Variants in HAUS8 observed in about 807,000 individuals in gnomAD.
HAUS8 encodes the protein HAUS augmin like complex subunit 8.
Under a neutral mutation model 42.9 loss-of-function variants are expected in HAUS8, and 38 were observed. That is an observed-to-expected ratio of 0.89 (90% CI 0.68 to 1.16). The LOEUF is 1.16. Ranked by LOEUF, HAUS8 falls within the 50% of genes most tolerant of loss-of-function variation. The pLI, the probability that HAUS8 is intolerant of heterozygous loss-of-function variation, is 0.00. For missense variants in HAUS8, 494 were observed against 511.6 expected, an observed-to-expected ratio of 0.97 and a Z score of 0.33; for synonymous variants, 199 against 205.8, an observed-to-expected ratio of 0.97 and a Z score of 0.28.
At chr19:17,055,135 A>T (rs1568634794) in intron 9 of HAUS8, 2 of 38,194 alleles carry the variant, frequency 5.2e-5, no homozygotes, top group African/African-American at 1.1e-4. Flanking sequence ...AAAAAAAAAA[A>T]AAAAAAAAAT....
chr19:17,055,966 G>C lies in HAUS8; in HGVS notation c.682C>G (p.Arg228Gly). Residue 228 changes from arginine (R) to glycine (G), a missense_variant, in exon 9 of 11, where the codon CGC becomes GGC. By Grantham distance (125) the Arg-to-Gly change is moderately radical. Coordinates refer to ENST00000253669, the MANE Select transcript of HAUS8 (RefSeq NM_033417.2). ...MLSPFEAVATRFKEQYRTFAT... is the reference protein window; with the variant it reads ...MLSPFEAVATGFKEQYRTFAT... Reference sequence around the variant, plus strand: ...AATGTCCTGTATTGCTCCTTGAAGCGTGTGGCCACTGCCTCGAAGGGGCTG... The same window carrying C: ...AATGTCCTGTATTGCTCCTTGAAGCCTGTGGCCACTGCCTCGAAGGGGCTG... 1 of 1,614,110 alleles carries C rather than the reference G, an allele frequency of 6.2e-7. No individual in the cohort carries two copies. The highest frequency in any genetic ancestry group is 8.5e-7 in the Non-Finnish European group (1 of 1,180,002).
intron 3 of HAUS8, among the ~76,000 whole-genome samples, chr19:17,067,831 A>T (rs542149717): frequency 2.6e-4 from 39 of 152,294 alleles, no homozygotes; most frequent in African/African-American, 9.4e-4. Context: ...ATAAACCAAG[A>T]TTTGGAAAGC....
Position 17,050,082 on chromosome 19 carries a change from G to A in HAUS8, c.1024C>T (p.Pro342Ser), listed in dbSNP as rs2057277439. 2 of 1,603,222 alleles carry A rather than the reference G, an allele frequency of 1.2e-6. No individual in the cohort carries two copies. Among genetic ancestry groups the A allele is most frequent in the Admixed American group, 1.7e-5 (1 of 58,402 alleles). The part of the protein sequence containing the change: ...EVWEETQGMA[P>S]PSRWYFNQDS... Reference sequence around the variant, plus strand: ...TGATTGAAATACCACCGGCTGGGGGGCGCCATGCCCTGGGTCTCTTCCCAG... The same window carrying A: ...TGATTGAAATACCACCGGCTGGGGGACGCCATGCCCTGGGTCTCTTCCCAG... Residue 342 changes from proline (P) to serine (S), a missense_variant, in exon 11 of 11, where the codon CCC becomes TCC. Transcript: ENST00000253669.
At chr19:17,065,222 T>TA (rs1376481161) in intron 3 of HAUS8, among the ~76,000 whole-genome samples, 1 of 152,196 alleles carries the variant, frequency 6.6e-6, no homozygotes, top group African/African-American at 2.4e-5. Context: ...AGTGGGAACA[T>TA]AAAGATGGTG....
chr19:17,055,534 C>T (rs62126055), intron 9 of HAUS8, among the ~76,000 whole-genome samples: 22,060 of 151,776 alleles, frequency 0.15, 1,860 homozygotes, highest in Non-Finnish European at 0.2. Flanking sequence ...GGGGGAAAGC[C>T]GGGGTGGGGC....
intron 3 of HAUS8, among the ~76,000 whole-genome samples, chr19:17,065,605 A>AGGTG (rs1429306440): frequency 6.6e-6 from 1 of 152,098 alleles, no homozygotes; most frequent in African/African-American, 2.4e-5. Flanking sequence ...CGAGGTGGGC[A>AGGTG]GATCACGAGG....
intron 3 of HAUS8, 114 bp downstream of exon 3, chr19:17,068,917 A>G (rs1036397560): frequency 2.2e-6 from 2 of 911,056 alleles, no homozygotes; most frequent in African/African-American, 3.3e-5. Flanking sequence ...TGAAGATCCC[A>G]AAATGCTTCC....
At chr19:17,055,734 C>T in intron 9 of HAUS8, 127 bp downstream of exon 9, 1 of 1,029,472 alleles carries the variant, frequency 9.7e-7, no homozygotes, top group Non-Finnish European at 1.4e-6. Context: ...CCTGGCCAGC[C>T]CTCCCCATCC....
In HAUS8 at chr19:17,069,101, T is replaced by G. The variant is rs1268247039; in HGVS notation, c.92-15A>C. On this transcript the variant is annotated splice_polypyrimidine_tract_variant and intron_variant, in intron 2 of 10. Transcript: ENST00000253669. ...CACTCTTCCACCTGTGGGGACACAC[T>G]GTTGGTGCACAACAAAACTACAAAG... The G allele has an allele frequency of 6.2e-7, 1 of 1,611,040 alleles. No individual in the cohort carries two copies. The highest frequency in any genetic ancestry group is 1.7e-5 in the Admixed American group (1 of 59,752).
intron 1 of HAUS8, 183 bp downstream of exon 1, chr19:17,075,211 G>A (rs527991287): frequency 3.1e-6 from 2 of 650,880 alleles, no homozygotes; most frequent in Admixed American, 2.7e-5. Context: ...AGGGCCGGTC[G>A]GGTGTCAGCG....
In HAUS8 at chr19:17,073,266, C is replaced by T; in HGVS notation, c.91+8G>A. The T allele has an allele frequency of 6.2e-7, 1 of 1,611,606 alleles. No homozygotes were observed. The highest frequency in any genetic ancestry group is 8.5e-7 in the Non-Finnish European group (1 of 1,177,678). On this transcript the variant is annotated splice_region_variant and intron_variant, in intron 2 of 10. Coordinates refer to ENST00000253669, the MANE Select transcript of HAUS8 (RefSeq NM_033417.2). ...CATGTTCCTTAAAGAGATCCTGACA[C>T]TGCTTACCTTGAACTCTTTTATCCT...
chr19:17,052,851 C>T lies in HAUS8; in HGVS notation c.903G>A (p.Thr301=), dbSNP rs2305758. Residue 301 remains threonine (T), a synonymous_variant, in exon 10 of 11, where the codon ACG becomes ACA. Coordinates refer to ENST00000253669, the MANE Select transcript of HAUS8 (RefSeq NM_033417.2). ...LDLLSELKDV[T]AKKDLELRRS... is the part of the protein sequence containing the mutation. ...TTCGGAGCTCAAGGTCCTTTTTCGCCGTCACGTCCTTGAGTTCGCTCAGTA... is the reference window on the plus strand; with the variant it reads ...TTCGGAGCTCAAGGTCCTTTTTCGCTGTCACGTCCTTGAGTTCGCTCAGTA... 0.27 allele frequency: 430,227 copies of T among 1,613,622 alleles called. 59,564 individuals carry two copies. Among genetic ancestry groups the T allele is most frequent in the African/African-American group, 0.3 (22,543 of 74,932 alleles).
At chr19:17,059,020 T>C (rs886990988) in intron 6 of HAUS8, 144 bp from the exon 7 acceptor site, 1 of 646,672 alleles carries the variant, frequency 1.5e-6, no homozygotes. Flanking sequence ...GTGGGTCTAT[T>C]GCTTCTATTT....
chr19:17,069,619 TCCCC>T (rs2057409144), intron 2 of HAUS8, among the ~76,000 whole-genome samples: 1 of 47,964 alleles, frequency 2.1e-5, no homozygotes, highest in African/African-American at 7.5e-5. Flanking sequence ...CAACCCCAGG[TCCCC>T]TTCCAGGGCT....
chr19:17,069,221 TCCTCCTGCTCG>T, intron 2 of HAUS8, 135 bp from the exon 3 acceptor site: 1 of 746,316 alleles, frequency 1.3e-6, no homozygotes, highest in Non-Finnish European at 2.4e-6. Flanking sequence ...AGGTCACCAC[TCCTCCTGCTCG>T]CCTCTGATCA....
rs2057296222 is a variant in HAUS8 at position 17,052,874 on chromosome 19, G to A, written c.880C>T (p.Leu294=). 3 of 1,614,192 alleles carry A rather than the reference G, an allele frequency of 1.9e-6. No homozygotes were observed. Among genetic ancestry groups the A allele is most frequent in the East Asian group, 2.2e-5 (1 of 44,872 alleles). The change falls in exon 10 of 11, where the codon CTG becomes TTG. Residue 294 remains leucine, a synonymous_variant. Coordinates refer to ENST00000253669, the MANE Select transcript of HAUS8 (RefSeq NM_033417.2). The stretch of plus-strand genomic sequence containing the variant: ...GCCGTCACGTCCTTGAGTTCGCTCA[G>A]TAAGTCCAGCACCTGCACATTTTCT... ...SEENVQVLDL[L]SELKDVTAKK...
At chr19:17,055,440 G>A (rs2123363067) in intron 9 of HAUS8, among the ~76,000 whole-genome samples, 1 of 150,882 alleles carries the variant, frequency 6.6e-6, no homozygotes, top group East Asian at 1.9e-4. Flanking sequence ...GTGCAACGCG[G>A]CAGTTTTTCA....
chr19:17,055,143 A>AATATATATATAT (rs746719670), intron 9 of HAUS8: 2 of 15,496 alleles, frequency 1.3e-4, no homozygotes, highest in African/African-American at 6.3e-4. Context: ...AAAAAAAAAA[A>AATATATATATAT]ATATATATAT....
Position 17,075,203 on chromosome 19 carries a change from G to C in HAUS8, c.29+191C>G, listed in dbSNP as rs565450023. ...TCCCAGCCGAGGACGCGGAACTCAG[G>C]GCCGGTCGGGTGTCAGCGCTCCGGA... On this transcript the variant is annotated intron_variant, in intron 1 of 10. Transcript: ENST00000253669. 5.4e-5 allele frequency: 34 copies of C among 629,560 alleles called. No homozygotes were observed. In the South Asian group the frequency reaches 6.2e-4, roughly 12 times the overall value. 39.0% of individuals were successfully genotyped at this position (629,560 alleles called of 1,614,324 possible).
Sources: gnomAD v4.1 joint callset for allele counts (sites outside exome capture counted in the v4.1 genomes callset) on GRCh38, gnomAD v4.1.1 for gene constraint, MANE v1.5 for transcripts, NCBI Gene and HGNC (gene_info 2026-07-23, HGNC 2026-07-21) for gene names.